Variants in ZNF704 observed in about 807,000 individuals in gnomAD.
ZNF704 encodes the protein zinc finger protein 704.
ZNF704 carries 10 observed loss-of-function variants against 44.7 expected under a neutral mutation model. The ratio of observed to expected loss-of-function variants is 0.22; its 90% CI spans 0.14 to 0.38. The LOEUF (loss-of-function observed/expected upper bound fraction) is 0.38, where lower values mean the gene tolerates loss of function less well. ZNF704 is among the 10% of genes least tolerant of loss of function. The pLI, the probability that ZNF704 is intolerant of heterozygous loss-of-function variation, is 1.00. For synonymous variants in ZNF704, 211 were observed against 207.6 expected, an observed-to-expected ratio of 1.02 and a Z score of -0.14; for missense variants, 390 against 545.5, an observed-to-expected ratio of 0.71 and a Z score of 2.84.
Position 80,640,633 on chromosome 8 carries a change from C to G in ZNF704, c.*733G>C, listed in dbSNP as rs1281395285. ...CTTCTTATGGATCCAAGGAAGACTC[C>G]TAGATGTTTCCCAACAGTGACAGCT... On this transcript the variant is annotated 3_prime_UTR_variant, in exon 9 of 9. Coordinates refer to ENST00000327835, the MANE Select transcript of ZNF704 (RefSeq NM_001033723.3). 1 of 152,180 alleles carries G rather than the reference C, an allele frequency of 6.6e-6. No homozygotes were observed. The highest frequency in any genetic ancestry group is 1.5e-5 in the Non-Finnish European group (1 of 68,056). 9.4% of individuals were successfully genotyped at this position (152,180 alleles called of 1,614,324 possible). A position where few individuals can be genotyped will look rare whatever the true frequency, so the allele number is the denominator to read the frequency against.
chr8:80,726,044 T>C (rs1806473859), intron 2 of ZNF704, among the ~76,000 whole-genome samples: 1 of 151,834 alleles, frequency 6.6e-6, no homozygotes, highest in Non-Finnish European at 1.5e-5. Flanking sequence ...TTATATACCG[T>C]GTTGATTTAA....
intron 2 of ZNF704, among the ~76,000 whole-genome samples, chr8:80,739,170 G>T (rs1806713909): frequency 6.6e-6 from 1 of 152,108 alleles, no homozygotes; most frequent in Non-Finnish European, 1.5e-5. Context: ...CATATTTCTG[G>T]GTCATACATA....
At chr8:80,813,878 CA>C (rs1487649920) in intron 2 of ZNF704, among the ~76,000 whole-genome samples, 3 of 148,958 alleles carry the variant, frequency 2.0e-5, no homozygotes, top group Admixed American at 6.7e-5. Context: ...GACTCTGTCT[CA>C]AAAAAAAAGA....
intron 5 of ZNF704, among the ~76,000 whole-genome samples, chr8:80,668,954 G>A (rs1035300948): frequency 3.9e-5 from 6 of 152,148 alleles, no homozygotes; most frequent in Admixed American, 1.3e-4. Context: ...ACGGTGCCTG[G>A]CAGGGCTATG....
rs916966138 is a variant in ZNF704, at chr8:80,858,791, A to C, written c.-22+15780T>G. ...GTTAAATTTTTATTATTGATTTCTA[A>C]TTTTATTCCATTGTGGTCAAAGGAT... On this transcript the variant is annotated intron_variant, in intron 1 of 8. Transcript: ENST00000327835. Among the ~76,000 whole-genome samples the C allele has an allele frequency of 2.0e-5, 3 of 152,322 alleles. No individual in the cohort carries two copies. In the East Asian group the frequency reaches 5.8e-4, roughly 29 times the overall value.
intron 2 of ZNF704, among the ~76,000 whole-genome samples, chr8:80,764,140 T>A (rs1031310449): frequency 1.3e-5 from 2 of 152,310 alleles, no homozygotes; most frequent in East Asian, 1.9e-4. Context: ...AAGTTGCTTC[T>A]ACATTTTTGG....
chr8:80,833,955 G>A (rs535699165), intron 1 of ZNF704, among the ~76,000 whole-genome samples: 1 of 152,268 alleles, frequency 6.6e-6, no homozygotes, highest in Admixed American at 6.5e-5. Context: ...ATCTGTTTAA[G>A]CAGTTCTTAA....
intron 2 of ZNF704, among the ~76,000 whole-genome samples, chr8:80,720,467 G>A (rs577250375): frequency 5.9e-5 from 9 of 152,186 alleles, no homozygotes; most frequent in Non-Finnish European, 1.2e-4. Flanking sequence ...GTAGCCACAG[G>A]AACTTCCTAT....
intron 1 of ZNF704, among the ~76,000 whole-genome samples, chr8:80,840,358 C>T (rs1403741870): frequency 6.6e-6 from 1 of 152,088 alleles, no homozygotes; most frequent in African/African-American, 2.4e-5. Flanking sequence ...CATCAGCTAT[C>T]GTCAATGTTA....
chr8:80,855,606 C>A (rs1808946911), intron 1 of ZNF704, among the ~76,000 whole-genome samples: 2 of 151,966 alleles, frequency 1.3e-5, no homozygotes, highest in South Asian at 4.1e-4. Flanking sequence ...TGATACACAA[C>A]AGTAACAGGG....
chr8:80,628,611 C>T lies in ZNF704; in HGVS notation c.*12755G>A, dbSNP rs1199680931. ...TCTGGCTCTGTTTGTGCCAGTGCAA[C>T]CCCAGGTAGAACCATCCACAAAGTA... On this transcript the variant is annotated 3_prime_UTR_variant, in exon 9 of 9. Transcript: ENST00000327835. 4 of 152,166 alleles carry T rather than the reference C, an allele frequency of 2.6e-5. No individual in the cohort carries two copies. Among genetic ancestry groups the T allele is most frequent in the Admixed American group, 2.6e-4 (4 of 15,268 alleles). The allele number at this position is 152,166 out of a possible 1,614,324, so 9.4% of individuals were successfully genotyped here.
intron 2 of ZNF704, among the ~76,000 whole-genome samples, chr8:80,708,500 T>C (rs1818931330): frequency 6.6e-6 from 1 of 152,274 alleles, no homozygotes; most frequent in Non-Finnish European, 1.5e-5. Flanking sequence ...TTGCAGCTAC[T>C]ATTTAACATT....
chr8:80,871,478 C>A (rs1219084382), intron 1 of ZNF704, among the ~76,000 whole-genome samples: 5 of 152,226 alleles, frequency 3.3e-5, no homozygotes, highest in African/African-American at 1.2e-4. Context: ...GTAGCTTTCT[C>A]TTCTTCCTTT....
At chr8:80,683,237 T>C (rs1818481400) in intron 4 of ZNF704, among the ~76,000 whole-genome samples, 1 of 152,160 alleles carries the variant, frequency 6.6e-6, no homozygotes, top group Non-Finnish European at 1.5e-5. Context: ...GAGGAAAAAT[T>C]CTGCTAGACC....
At chr8:80,694,318 G>A (rs1457855367) in intron 2 of ZNF704, 3 of 152,132 alleles carry the variant, frequency 2.0e-5, no homozygotes, top group African/African-American at 7.2e-5. Context: ...CCTGAATAAA[G>A]GTTCATAAGA....
intron 2 of ZNF704, among the ~76,000 whole-genome samples, chr8:80,803,481 C>A (rs1807935821): frequency 6.6e-6 from 1 of 152,136 alleles, no homozygotes; most frequent in South Asian, 2.1e-4. Flanking sequence ...GGTACAAGAA[C>A]AGATACATAG....
chr8:80,708,076 T>C (rs1818924538), intron 2 of ZNF704, among the ~76,000 whole-genome samples: 1 of 152,268 alleles, frequency 6.6e-6, no homozygotes, highest in South Asian at 2.1e-4. Flanking sequence ...TGTCAGTTCA[T>C]ACAGCTCTTA....
chr8:80,658,478 G>A (rs766380463), intron 7 of ZNF704, among the ~76,000 whole-genome samples: 7 of 151,870 alleles, frequency 4.6e-5, no homozygotes, highest in South Asian at 4.2e-4. Context: ...ATACCAACAC[G>A]TCTAAGCTGC....
intron 2 of ZNF704, among the ~76,000 whole-genome samples, chr8:80,697,100 A>G (rs1818738356): frequency 6.6e-6 from 1 of 152,166 alleles, no homozygotes; most frequent in Non-Finnish European, 1.5e-5. Flanking sequence ...AGATGGGAGA[A>G]ACACATCAAG....
Sources: gnomAD v4.1 joint callset for allele counts (sites outside exome capture counted in the v4.1 genomes callset) on GRCh38, gnomAD v4.1.1 for gene constraint, MANE v1.5 for transcripts, NCBI Gene and HGNC (gene_info 2026-07-23, HGNC 2026-07-21) for gene names.